The following LTBP1 variants were observed in gnomAD, a reference collection of about 807,000 sequenced individuals.
The protein encoded by LTBP1 is latent transforming growth factor beta binding protein 1.
Under a neutral mutation model 207.6 loss-of-function variants are expected in LTBP1, and 129 were observed. The observed-to-expected ratio is 0.62, with a 90% CI of 0.54 to 0.72. The LOEUF (loss-of-function observed/expected upper bound fraction) is 0.72, where lower values mean the gene tolerates loss of function less well. Ranked by LOEUF, LTBP1 falls within the 30% of genes least tolerant of loss-of-function variation. The pLI, the probability that LTBP1 is intolerant of heterozygous loss-of-function variation, is 0.00. For synonymous variants in LTBP1, 963 were observed against 833.7 expected (o/e 1.16, Z -2.67); for missense variants, 2,281 against 2,217.2 (o/e 1.03, Z -0.58).
At chr2:33,020,340 T>C (rs2075103700) in intron 2 of LTBP1, among the ~76,000 whole-genome samples, 1 of 152,154 alleles carries the variant, frequency 6.6e-6, no homozygotes. Flanking sequence ...GACTGAACTT[T>C]TGTTTTTTGC....
At chr2:33,139,672 C>T (rs973754008) in intron 5 of LTBP1, among the ~76,000 whole-genome samples, 2 of 152,076 alleles carry the variant, frequency 1.3e-5, no homozygotes, top group African/African-American at 4.8e-5. Flanking sequence ...AGACGTGGAA[C>T]TTGAAACATT....
intron 31 of LTBP1, among the ~76,000 whole-genome samples, chr2:33,374,717 G>A (rs1206445382): frequency 6.6e-6 from 1 of 152,196 alleles, no homozygotes; most frequent in Non-Finnish European, 1.5e-5. Flanking sequence ...CACTTGGGAG[G>A]CCAAGGTGGG....
At position 33,338,801 on chromosome 2, in the gene LTBP1, A is replaced by G. The variant is rs184990789; in HGVS notation, c.3731-4037A>G. Among the ~76,000 whole-genome samples the G allele has an allele frequency of 7.2e-5, 11 of 152,300 alleles. No homozygotes were observed. In the East Asian group the frequency reaches 2.1e-3, roughly 29 times the overall value. ...AAGTCCATGAAAAATTAAAGACCGT[A>G]GGTTTTCAAAGACCTCTAGTATGCT... On this transcript the variant is annotated intron_variant, in intron 24 of 33. Transcript: ENST00000404816.
chr2:32,989,278 G>A (rs1237725787), intron 2 of LTBP1, among the ~76,000 whole-genome samples: 3 of 152,300 alleles, frequency 2.0e-5, no homozygotes, highest in Admixed American at 6.5e-5. Flanking sequence ...AAGGAATGCC[G>A]AAATGAATTT....
intron 3 of LTBP1, among the ~76,000 whole-genome samples, chr2:33,066,335 C>T (rs926655772): frequency 6.6e-6 from 1 of 152,212 alleles, no homozygotes. Context: ...CTGCATGTAG[C>T]TCTGTGATCA....
intron 23 of LTBP1, 151 bp downstream of exon 23, chr2:33,309,707 A>G: frequency 1.1e-6 from 1 of 878,406 alleles, no homozygotes; most frequent in Non-Finnish European, 1.7e-6. Context: ...TTGGGTCCAC[A>G]TCAAGTGCAG....
chr2:33,357,935 A>G (rs939973529), intron 26 of LTBP1, among the ~76,000 whole-genome samples: 11 of 152,302 alleles, frequency 7.2e-5, no homozygotes, highest in African/African-American at 2.6e-4. Context: ...CCTGGCAGCA[A>G]TGAACTAAAC....
At chr2:33,079,587 T>C (rs2149846595) in intron 3 of LTBP1, among the ~76,000 whole-genome samples, 1 of 152,300 alleles carries the variant, frequency 6.6e-6, no homozygotes, top group South Asian at 2.1e-4. Flanking sequence ...CTGAAACTTG[T>C]AGTAATAGAA....
At chr2:33,346,409 C>A (rs545303065) in intron 25 of LTBP1, among the ~76,000 whole-genome samples, 1 of 152,176 alleles carries the variant, frequency 6.6e-6, no homozygotes, top group South Asian at 2.1e-4. Flanking sequence ...GTAGGCCAGG[C>A]GTGGTGGCTC....
intron 2 of LTBP1, among the ~76,000 whole-genome samples, chr2:32,959,325 G>C (rs1678615147): frequency 6.6e-6 from 1 of 151,982 alleles, no homozygotes. Flanking sequence ...TCTTCGGAGG[G>C]ATTTAGATAA....
intron 22 of LTBP1, among the ~76,000 whole-genome samples, chr2:33,303,376 A>G: frequency 7.3e-6 from 1 of 137,540 alleles, no homozygotes; most frequent in Admixed American, 7.8e-5. Context: ...TTTGAGACGG[A>G]ATCTCGCTCT....
chr2:33,153,748 A>G (rs1051109115), intron 5 of LTBP1, among the ~76,000 whole-genome samples: 1 of 152,226 alleles, frequency 6.6e-6, no homozygotes, highest in Non-Finnish European at 1.5e-5. Context: ...CTAGATTAAC[A>G]GCATCTTGAA....
intron 30 of LTBP1, among the ~76,000 whole-genome samples, chr2:33,364,641 G>C (rs1334974224): frequency 6.6e-6 from 1 of 152,170 alleles, no homozygotes; most frequent in Non-Finnish European, 1.5e-5. Context: ...CTAACCTGCA[G>C]AGGCAGCTGA....
chr2:33,325,900 A>G (rs1019326955), intron 24 of LTBP1, among the ~76,000 whole-genome samples: 3 of 152,064 alleles, frequency 2.0e-5, no homozygotes, highest in African/African-American at 4.8e-5. Flanking sequence ...TTTTAGAAGT[A>G]TTTCTTTTCT....
intron 9 of LTBP1, among the ~76,000 whole-genome samples, chr2:33,237,424 A>AT (rs2092102562): frequency 1.3e-5 from 2 of 152,088 alleles, no homozygotes; most frequent in African/African-American, 4.8e-5. Context: ...GTTTTCAAAT[A>AT]TTTTTTTCTT....
intron 7 of LTBP1, among the ~76,000 whole-genome samples, chr2:33,198,989 T>G (rs1434266064): frequency 6.6e-6 from 1 of 152,160 alleles, no homozygotes; most frequent in East Asian, 1.9e-4. Context: ...AATTGTGATG[T>G]TAGGGTGTCA....
intron 10 of LTBP1, 84 bp downstream of exon 10, chr2:33,243,868 A>T: frequency 2.7e-6 from 4 of 1,465,532 alleles, no homozygotes; most frequent in Non-Finnish European, 1.9e-6. Flanking sequence ...TCAGTGGCCA[A>T]CTGAATGCTT....
chr2:33,394,250 G>C (rs1203332078), intron 32 of LTBP1, among the ~76,000 whole-genome samples: 1 of 152,120 alleles, frequency 6.6e-6, no homozygotes, highest in African/African-American at 2.4e-5. Context: ...TAGGTTGCCT[G>C]TTCACTCTGA....
intron 9 of LTBP1, among the ~76,000 whole-genome samples, chr2:33,224,925 C>T (rs984003107): frequency 6.6e-6 from 1 of 152,046 alleles, no homozygotes; most frequent in Non-Finnish European, 1.5e-5. Context: ...GTTTTCTTTT[C>T]CTCTACCTTT....
Sources: allele counts gnomAD v4.1 joint callset (sites outside exome capture counted in the v4.1 genomes callset), GRCh38; gene constraint gnomAD v4.1.1; transcripts MANE v1.5; gene names NCBI Gene and HGNC (gene_info 2026-07-23, HGNC 2026-07-21).